Variants in ZFHX3 observed in about 807,000 individuals in gnomAD.
ZFHX3 encodes zinc finger homeobox protein 3.
In ZFHX3, 42 loss-of-function variants were observed where a neutral mutation model predicts 279.1. That is an observed-to-expected ratio of 0.15 (90% CI 0.12 to 0.19). The LOEUF is 0.19. ZFHX3 is among the 10% of genes least tolerant of loss of function. The pLI, the probability that ZFHX3 is intolerant of heterozygous loss-of-function variation, is 1.00. For missense variants in ZFHX3, 4,981 were observed against 4,754.0 expected (o/e 1.05, Z -1.40); for synonymous variants, 2,293 against 1,957.8 (o/e 1.17, Z -4.52).
In ZFHX3 at chr16:72,811,763, G is replaced by C; in HGVS notation, c.3678C>G (p.Pro1226=). ...CATCGGCATTACTGTACTTGCAGTA[G>C]GGACACTGGTACATCTGTGGGGAAC... The part of the protein sequence containing the change: ...EIKPEQMYQC[P]YCKYSNADVN... The change falls in exon 7 of 10, where the codon CCC becomes CCG. Residue 1226 remains proline, a synonymous_variant. Transcript: ENST00000268489. 2 of 1,613,742 alleles carry C rather than the reference G, an allele frequency of 1.2e-6. No homozygotes were observed. Among genetic ancestry groups the C allele is most frequent in the South Asian group, 2.2e-5 (2 of 91,020 alleles).
intron 3 of ZFHX3, among the ~76,000 whole-genome samples, chr16:73,447,453 C>A (rs2143550904): frequency 6.6e-6 from 1 of 152,190 alleles, no homozygotes; most frequent in East Asian, 1.9e-4. Context: ...CTGAATACCC[C>A]ACAGTTCGGA....
intron 2 of ZFHX3, among the ~76,000 whole-genome samples, chr16:73,591,381 C>A (rs150206736): frequency 0.017 from 2,514 of 145,134 alleles, 45 homozygotes; most frequent in East Asian, 0.086. Flanking sequence ...AACAAACAAA[C>A]AAACAAAAAT....
In ZFHX3 at chr16:72,798,504, A is replaced by G. The variant is rs1265074193; in HGVS notation, c.4178T>C (p.Val1393Ala). 6.2e-7 allele frequency: 1 copy of G among 1,614,206 alleles called. No individual in the cohort carries two copies. Among genetic ancestry groups the G allele is most frequent in the South Asian group, 1.1e-5 (1 of 91,080 alleles). The change falls in exon 9 of 10, where the codon GTG (valine) becomes GCG (alanine). Residue 1393 changes from valine to alanine, a missense_variant. By Grantham distance (64) the Val-to-Ala change is moderately conservative. This residue lies in a region of ZFHX3 where 1,751 missense variants were observed against 1,770.0 expected (regional missense o/e 0.99). Coordinates refer to ENST00000268489, the MANE Select transcript of ZFHX3 (RefSeq NM_006885.4). Reference protein sequence around the residue: ...EVHAKRPQLPVSDRHVYKYRC... With the variant: ...EVHAKRPQLPASDRHVYKYRC... ...GTACTTGTACACATGGCGATCTGACACCGGCAGCTGAGGCCTCTTGGCATG... is the reference window on the plus strand; with the variant it reads ...GTACTTGTACACATGGCGATCTGACGCCGGCAGCTGAGGCCTCTTGGCATG...
rs192584684 is a variant in ZFHX3 at position 73,509,764 on chromosome 16, C to T, written c.-1546-53506G>A. Reference sequence around the variant, plus strand: ...AGGCTGGAGTGCAGTGGCGTGATCTCGGCTCACTGCAACCTCCACCCCCGG... The same window carrying T: ...AGGCTGGAGTGCAGTGGCGTGATCTTGGCTCACTGCAACCTCCACCCCCGG... On this transcript the variant is annotated intron_variant, in intron 2 of 17. Transcript: ENST00000641206. Among the ~76,000 whole-genome samples the T allele has an allele frequency of 2.2e-3, 290 of 133,896 alleles. 6 individuals carry two copies. Among genetic ancestry groups the T allele is most frequent in the African/African-American group, 8.1e-3 (268 of 33,238 alleles). 87.8% of individuals were successfully genotyped at this position (133,896 alleles called of 152,430 possible).
At chr16:73,800,156 T>C (rs914276605) in intron 1 of ZFHX3, among the ~76,000 whole-genome samples, 2 of 152,120 alleles carry the variant, frequency 1.3e-5, no homozygotes, top group Admixed American at 6.5e-5. Context: ...GCCTCAGACA[T>C]GTATTTATTA....
At position 73,316,549 on chromosome 16, in the gene ZFHX3, T is replaced by G. The variant is rs150875964; in HGVS notation, c.-1194+1691A>C. Among the ~76,000 whole-genome samples, 952 of 152,316 alleles carry G rather than the reference T, an allele frequency of 6.3e-3. 10 individuals carry two copies. Among genetic ancestry groups the G allele is most frequent in the African/African-American group, 0.021 (876 of 41,560 alleles). ...ACCTAGTAGATACTCTTTGATATTC[T>G]TTTCCAACGGTTTCATGTACACAGG... On this transcript the variant is annotated intron_variant, in intron 4 of 17. Transcript: ENST00000641206.
chr16:73,679,994 T>C (rs973799308), intron 2 of ZFHX3: 6 of 152,190 alleles, frequency 3.9e-5, no homozygotes, highest in South Asian at 2.1e-4. Flanking sequence ...GAAAGATACA[T>C]AGGCATTTTG....
rs941784203 is a variant in ZFHX3 at position 73,127,520 on chromosome 16, C to G, written c.-897+3448G>C. 4 of 1,305,454 alleles carry G rather than the reference C, an allele frequency of 3.1e-6. No individual in the cohort carries two copies. The East Asian group carries it at 1.7e-4, about 54-fold the overall frequency. The allele number at this position is 1,305,454 out of a possible 1,614,324, so 80.9% of individuals were successfully genotyped here. On this transcript the variant is annotated intron_variant, in intron 7 of 17. Transcript: ENST00000641206. ...GGTGATGGATGGGGGAAGAAGAGAG[C>G]CCCTGAATGCAGAGATGGGAGGCTT...
intron 1 of ZFHX3, among the ~76,000 whole-genome samples, chr16:73,029,632 C>T (rs1365392695): frequency 2.0e-5 from 3 of 152,158 alleles, no homozygotes; most frequent in African/African-American, 4.8e-5. Context: ...ACCACATAAA[C>T]GGGACTTGAA....
chr16:73,555,300 AC>A lies in ZFHX3; in HGVS notation c.-1546-99043del, dbSNP rs533202437. Among the ~76,000 whole-genome samples the A allele has an allele frequency of 3.5e-3, 524 of 151,832 alleles. 7 individuals carry two copies. The highest frequency in any genetic ancestry group is 0.012 in the African/African-American group (493 of 41,472). ...CTGCCGAATAGCTGGGACTACAGGCACCCGCCACCACACCCGGCTAATTTTT... is the reference window on the plus strand; with the variant it reads ...CTGCCGAATAGCTGGGACTACAGGCACCGCCACCACACCCGGCTAATTTTT... On this transcript the variant is annotated intron_variant, in intron 2 of 17. Coordinates refer to the ZFHX3 transcript ENST00000641206.
chr16:73,548,195 A>G (rs564992228), intron 2 of ZFHX3, among the ~76,000 whole-genome samples: 2 of 152,348 alleles, frequency 1.3e-5, no homozygotes, highest in East Asian at 3.9e-4. Context: ...ATCAGTTTTC[A>G]TGGCTAAAGT....
chr16:72,999,754 A>G (rs183493437), intron 1 of ZFHX3, among the ~76,000 whole-genome samples: 55 of 152,250 alleles, frequency 3.6e-4, no homozygotes, highest in African/African-American at 1.2e-3. Context: ...GACCACACAC[A>G]CTTTGGCAGC....
chr16:73,418,484 G>A (rs2017643833), intron 3 of ZFHX3, among the ~76,000 whole-genome samples: 1 of 152,212 alleles, frequency 6.6e-6, no homozygotes, highest in Admixed American at 6.5e-5. Flanking sequence ...TACATAGTGT[G>A]TATATGTTTC....
At chr16:73,026,267 G>T (rs1964496463) in intron 1 of ZFHX3, among the ~76,000 whole-genome samples, 2 of 151,338 alleles carry the variant, frequency 1.3e-5, no homozygotes, top group African/African-American at 2.4e-5. Flanking sequence ...AACTTGGGAG[G>T]GAGGCTGAGG....
chr16:73,057,764 G>C (rs1965590683), intron 1 of ZFHX3, among the ~76,000 whole-genome samples: 1 of 151,178 alleles, frequency 6.6e-6, no homozygotes, highest in Non-Finnish European at 1.5e-5. Flanking sequence ...GTAGAGGATC[G>C]CGCGGCCGCC....
chr16:73,055,168 G>T (rs922112438), intron 1 of ZFHX3, among the ~76,000 whole-genome samples: 2 of 151,616 alleles, frequency 1.3e-5, no homozygotes, highest in Non-Finnish European at 2.9e-5. Flanking sequence ...GGAATAACTG[G>T]TCTTGTGCAC....
chr16:73,591,289 G>A (rs1039483272), intron 2 of ZFHX3, among the ~76,000 whole-genome samples: 1 of 151,882 alleles, frequency 6.6e-6, no homozygotes, highest in African/African-American at 2.4e-5. Flanking sequence ...GGAGGCAGAG[G>A]TTGCTGTGAG....
chr16:72,784,175 C>T lies in ZFHX3; in HGVS notation c.*2989G>A, dbSNP rs79366254. 8.4e-4 allele frequency: 128 copies of T among 152,332 alleles called. 3 individuals are homozygous for T. In the East Asian group the frequency reaches 0.021, roughly 25 times the overall value. The allele number at this position is 152,332 out of a possible 1,614,324, so 9.4% of individuals were successfully genotyped here. A position where few individuals can be genotyped will look rare whatever the true frequency, so the allele number is the denominator to read the frequency against. On this transcript the variant is annotated 3_prime_UTR_variant, in exon 10 of 10. Coordinates refer to ENST00000268489, the MANE Select transcript of ZFHX3 (RefSeq NM_006885.4). ...AACCACCTTATTGTCGCCAAACACC[C>T]ACAGCTCAAGGCATGGCATAACAAA...
At chr16:72,849,600 C>T (rs1597307634) in intron 4 of ZFHX3, among the ~76,000 whole-genome samples, 1 of 152,142 alleles carries the variant, frequency 6.6e-6, no homozygotes, top group African/African-American at 2.4e-5. Flanking sequence ...TTAATTACCA[C>T]GTTCCTCATT....
Sources: gnomAD v4.1 joint callset for allele counts (sites outside exome capture counted in the v4.1 genomes callset) on GRCh38, gnomAD v4.1.1 for gene constraint, gnomAD v4.1.1 regional missense constraint, MANE v1.5 for transcripts, NCBI Gene and HGNC (gene_info 2026-07-23, HGNC 2026-07-21) for gene names.